EML4: variants seen among roughly 807,000 people sequenced by gnomAD.
EML4 encodes the protein echinoderm microtubule-associated protein-like 4.
A neutral mutation model predicts 129.0 loss-of-function variants in EML4; 72 were observed. The ratio of observed to expected loss-of-function variants is 0.56; its 90% confidence interval spans 0.46 to 0.68. The LOEUF (loss-of-function observed/expected upper bound fraction) is 0.68, where lower values mean the gene tolerates loss of function less well. Ranked by LOEUF, EML4 falls within the 30% of genes least tolerant of loss-of-function variation. The probability of loss-of-function intolerance (pLI) is 0.00; values close to 1 mark genes in which losing one functional copy is unlikely to be tolerated. For missense variants in EML4, 1,363 were observed against 1,190.6 expected, an observed-to-expected ratio of 1.14 and a Z score of -2.13; for synonymous variants, 532 against 405.0, an observed-to-expected ratio of 1.31 and a Z score of -3.77.
chr2:42,286,254 C>A lies in EML4; in HGVS notation c.1012-15C>A. On this transcript the variant is annotated splice_polypyrimidine_tract_variant and intron_variant, in intron 9 of 22. Coordinates refer to ENST00000318522, the MANE Select transcript of EML4 (RefSeq NM_019063.5). Reference sequence around the variant, plus strand: ...TCCACCTGTCCAGTTGCTCTGCTGTCTTGTGTTTTTGCAGCCTCTACAACC... The same window carrying A: ...TCCACCTGTCCAGTTGCTCTGCTGTATTGTGTTTTTGCAGCCTCTACAACC... 4 of 1,495,010 alleles carry A rather than the reference C, an allele frequency of 2.7e-6. No homozygotes were observed. Among genetic ancestry groups the A allele is most frequent in the Non-Finnish European group, 3.7e-6 (4 of 1,071,422 alleles). The allele number at this position is 1,495,010 out of a possible 1,614,324, so 92.6% of individuals were successfully genotyped here.
At chr2:42,265,859 AAAAG>A (rs1666032813) in intron 6 of EML4, among the ~76,000 whole-genome samples, 1 of 152,208 alleles carries the variant, frequency 6.6e-6, no homozygotes, top group Non-Finnish European at 1.5e-5. Context: ...TCAGACCAAA[AAAAG>A]AGAGCAGACT....
At position 42,262,548 on chromosome 2, in the gene EML4, G is replaced by A. The variant is rs115525213; in HGVS notation, c.513-630G>A. Reference sequence around the variant, plus strand: ...TTGCTCTTTGGATATACTGTTGCAAGAAGTATTGGAGACTGGATGAGTTTG... The same window carrying A: ...TTGCTCTTTGGATATACTGTTGCAAAAAGTATTGGAGACTGGATGAGTTTG... On this transcript the variant is annotated intron_variant, in intron 4 of 22. Transcript: ENST00000318522. 5.7e-3 allele frequency among the ~76,000 whole-genome samples: 860 copies of A among 152,200 alleles called. 4 individuals carry two copies. The highest frequency in any genetic ancestry group is 0.02 in the African/African-American group (827 of 41,530).
At chr2:42,235,358 G>T (rs1245634582) in intron 1 of EML4, among the ~76,000 whole-genome samples, 2 of 131,906 alleles carry the variant, frequency 1.5e-5, no homozygotes, top group African/African-American at 6.0e-5. Context: ...TACTCAGGAG[G>T]CTAAGGCGCG....
intron 1 of EML4, among the ~76,000 whole-genome samples, chr2:42,174,305 G>T (rs1382777354): frequency 6.6e-6 from 1 of 152,018 alleles, no homozygotes; most frequent in Admixed American, 6.6e-5. Context: ...TTGTGTGTGT[G>T]TGTCTGACGG....
rs549297709 is a variant in EML4 at position 42,272,914 on chromosome 2, CAT to C, written c.668-7933_668-7932del. Among the ~76,000 whole-genome samples, 26 of 152,220 alleles carry C rather than the reference CAT, an allele frequency of 1.7e-4. No homozygotes were observed. In the South Asian group the frequency reaches 3.3e-3, roughly 19 times the overall value. ...TTTAAAAAATTGGACAGCCTTCAAA[CAT>C]ATTTTAAGAAATAACATTATAGTTG... On this transcript the variant is annotated intron_variant, in intron 6 of 22. Coordinates refer to ENST00000318522, the MANE Select transcript of EML4 (RefSeq NM_019063.5).
At chr2:42,240,269 T>G (rs1674940652) in intron 1 of EML4, among the ~76,000 whole-genome samples, 1 of 152,234 alleles carries the variant, frequency 6.6e-6, no homozygotes, top group Non-Finnish European at 1.5e-5. Flanking sequence ...TACACATTTT[T>G]ATTGTGAAAT....
At chr2:42,267,133 C>T (rs6544527) in intron 6 of EML4, among the ~76,000 whole-genome samples, 69,764 of 151,874 alleles carry the variant, frequency 0.46, 16,638 homozygotes, top group East Asian at 0.74. Context: ...TCATCTGTAA[C>T]TGAGATAATA....
chr2:42,285,087 A>G (rs912960624), intron 9 of EML4, among the ~76,000 whole-genome samples: 1 of 151,244 alleles, frequency 6.6e-6, no homozygotes. Context: ...TAATTAATTA[A>G]TTATAGGGGT....
At chr2:42,276,682 T>A (rs1287536376) in intron 6 of EML4, among the ~76,000 whole-genome samples, 1 of 152,220 alleles carries the variant, frequency 6.6e-6, no homozygotes, top group Non-Finnish European at 1.5e-5. Flanking sequence ...ATTTAATCAC[T>A]TATAATTCCA....
chr2:42,244,248 G>A (rs1007878230), intron 1 of EML4, among the ~76,000 whole-genome samples: 7 of 151,654 alleles, frequency 4.6e-5, no homozygotes, highest in African/African-American at 7.3e-5. Flanking sequence ...ACAGGCACAC[G>A]CCACCAAGCC....
chr2:42,263,313 A>G lies in EML4; in HGVS notation c.641+7A>G, dbSNP rs753681722. On this transcript the variant is annotated splice_region_variant and intron_variant, in intron 5 of 22. Coordinates refer to ENST00000318522, the MANE Select transcript of EML4 (RefSeq NM_019063.5). ...TTACCAAAACTGCAGACAAGTAAGTATTGCACTTTCTTCATTATATCTGAA... is the reference window on the plus strand; with the variant it reads ...TTACCAAAACTGCAGACAAGTAAGTGTTGCACTTTCTTCATTATATCTGAA... 3.2e-6 allele frequency: 5 copies of G among 1,580,852 alleles called. No individual in the cohort carries two copies. Among genetic ancestry groups the G allele is most frequent in the African/African-American group, 1.4e-5 (1 of 73,320 alleles).
intron 1 of EML4, among the ~76,000 whole-genome samples, chr2:42,225,774 GT>G (rs890008067): frequency 7.9e-5 from 12 of 151,758 alleles, no homozygotes; most frequent in African/African-American, 2.4e-4. Context: ...GGATTGATGT[GT>G]TTTTTTATTG....
At chr2:42,212,475 G>T (rs1672938994) in intron 1 of EML4, among the ~76,000 whole-genome samples, 1 of 151,494 alleles carries the variant, frequency 6.6e-6, no homozygotes, top group Admixed American at 6.6e-5. Context: ...CTCGGCAGTA[G>T]ATTTTTTTTT....
At chr2:42,313,854 G>A (rs962339182) in intron 17 of EML4, among the ~76,000 whole-genome samples, 7 of 151,318 alleles carry the variant, frequency 4.6e-5, no homozygotes, top group Admixed American at 6.6e-5. Flanking sequence ...GCTTGAACCC[G>A]GAGGCGGAGG....
In EML4 at chr2:42,295,444, G is replaced by A. The variant is rs2103680390; in HGVS notation, c.1417G>A (p.Gly473Arg). Reference protein sequence around the residue: ...AFLGNGDVLTGDSGGVMLIWS... With the variant: ...AFLGNGDVLTRDSGGVMLIWS... ...CTTGGGGAATGGAGATGTTCTTACTGGAGACTCAGGTGGAGTCATGCTTAT... is the reference window on the plus strand; with the variant it reads ...CTTGGGGAATGGAGATGTTCTTACTAGAGACTCAGGTGGAGTCATGCTTAT... Residue 473 changes from glycine (G) to arginine (R), a missense_variant, in exon 13 of 23, where the codon GGA becomes AGA. Physicochemically the swap from Gly to Arg is moderately radical, Grantham distance 125. Transcript: ENST00000318522. The A allele has an allele frequency of 1.2e-6, 2 of 1,613,834 alleles. No individual in the cohort carries two copies. The highest frequency in any genetic ancestry group is 1.7e-6 in the Non-Finnish European group (2 of 1,179,778).
intron 1 of EML4, among the ~76,000 whole-genome samples, chr2:42,178,607 C>T (rs1670754289): frequency 6.6e-6 from 1 of 152,148 alleles, no homozygotes; most frequent in Non-Finnish European, 1.5e-5. Context: ...CGTGTGGTGC[C>T]TGTCACGTGA....
At chr2:42,242,536 T>C (rs1042738021) in intron 1 of EML4, among the ~76,000 whole-genome samples, 5 of 152,030 alleles carry the variant, frequency 3.3e-5, no homozygotes, top group African/African-American at 1.2e-4. Context: ...GTGGATGGGC[T>C]ATAACTCTAC....
rs1341548476 is a variant in EML4, at chr2:42,256,618, C to A, written c.326C>A (p.Ser109Tyr). 6.2e-7 allele frequency: 1 copy of A among 1,613,640 alleles called. No homozygotes were observed. The highest frequency in any genetic ancestry group is 8.5e-7 in the Non-Finnish European group (1 of 1,179,726). Residue 109 changes from serine (S) to tyrosine (Y), a missense_variant, in exon 3 of 23, where the codon TCT becomes TAT. Transcript: ENST00000318522. ...ATTGCAGGAAAAGAAACTCTTTCAT[C>A]TGCTGCTAAAAGGTACCCATTTATG... is the stretch of plus-strand genomic sequence containing the variant. ...VSIAGKETLS[S>Y]AAKSGTEKKK...
intron 1 of EML4, among the ~76,000 whole-genome samples, chr2:42,178,743 A>G (rs1670762973): frequency 6.6e-6 from 1 of 152,224 alleles, no homozygotes; most frequent in Admixed American, 6.5e-5. Context: ...ATTTGCTGAA[A>G]TACATTTTTT....
Sources: gnomAD v4.1 joint callset for allele counts (sites outside exome capture counted in the v4.1 genomes callset) on GRCh38, gnomAD v4.1.1 for gene constraint, MANE v1.5 for transcripts, NCBI Gene and HGNC (gene_info 2026-07-23, HGNC 2026-07-21) for gene names.